CSGALNACT1: variants seen among roughly 807,000 people sequenced by gnomAD.
CSGALNACT1 encodes beta4GalNAcT-1.
In CSGALNACT1, 52 loss-of-function variants were observed where a neutral mutation model predicts 51.0. The observed-to-expected ratio is 1.02, with a 90% CI of 0.82 to 1.29. The LOEUF (loss-of-function observed/expected upper bound fraction) is 1.29, where lower values mean the gene tolerates loss of function less well. Among genes scored for constraint, CSGALNACT1 ranks in the 50% most tolerant of loss-of-function variants. The pLI is 0.00. For missense variants in CSGALNACT1, 935 were observed against 679.2 expected (o/e 1.38, Z -4.19); for synonymous variants, 341 against 254.4 (o/e 1.34, Z -3.24).
chr8:19,593,995 C>G (rs2048371186), intron 2 of CSGALNACT1, among the ~76,000 whole-genome samples: 1 of 152,126 alleles, frequency 6.6e-6, no homozygotes, highest in African/African-American at 2.4e-5. Flanking sequence ...CAGAACTCAG[C>G]TGGGGACATC....
chr8:19,614,367 C>G (rs1241888317), intron 1 of CSGALNACT1, among the ~76,000 whole-genome samples: 3 of 152,134 alleles, frequency 2.0e-5, no homozygotes, highest in African/African-American at 7.2e-5. Flanking sequence ...CGCCATTATA[C>G]CATCCTGCCT....
chr8:19,625,223 T>C (rs182231912), intron 1 of CSGALNACT1, among the ~76,000 whole-genome samples: 74 of 152,294 alleles, frequency 4.9e-4, no homozygotes, highest in African/African-American at 1.8e-3. Context: ...CATCACGCTG[T>C]TTCTTCCTCC....
At chr8:19,514,475 C>CTATA (rs33928915) in intron 3 of CSGALNACT1, among the ~76,000 whole-genome samples, 3,601 of 78,304 alleles carry the variant, frequency 0.046, 293 homozygotes, top group East Asian at 0.077. Flanking sequence ...TGAACAGAGA[C>CTATA]TATATATATA....
At chr8:19,605,163 G>A (rs1310933307), upstream of CSGALNACT1, among the ~76,000 whole-genome samples, 2 of 152,194 alleles carry the variant, frequency 1.3e-5, no homozygotes, top group African/African-American at 4.8e-5. Flanking sequence ...AGCGACTGCA[G>A]TTAGAATAGT....
intron 3 of CSGALNACT1, among the ~76,000 whole-genome samples, chr8:19,575,335 T>C (rs536969805): frequency 2.0e-5 from 3 of 152,346 alleles, no homozygotes; most frequent in Non-Finnish European, 2.9e-5. Context: ...ACTTAATTTT[T>C]TGGGTTATGA....
chr8:19,418,727 G>A, exon 8 of CSGALNACT1: 1 of 1,612,582 alleles, frequency 6.2e-7, no homozygotes, highest in Non-Finnish European at 8.5e-7. Context: ...TGACTGAAAA[G>A]AACTGGATAA....
intron 1 of CSGALNACT1, among the ~76,000 whole-genome samples, chr8:19,696,101 T>G (rs1716638426): frequency 6.6e-6 from 1 of 152,164 alleles, no homozygotes; most frequent in African/African-American, 2.4e-5. Context: ...ACAAATTGGA[T>G]AGGCAGGAAT....
At chr8:19,451,258 T>C (rs2063138588) in intron 5 of CSGALNACT1, among the ~76,000 whole-genome samples, 1 of 152,158 alleles carries the variant, frequency 6.6e-6, no homozygotes, top group Non-Finnish European at 1.5e-5. Context: ...CCCTTTCTCC[T>C]TGCCTGTTGG....
Position 19,509,819 on chromosome 8 carries a change from C to T in CSGALNACT1, c.-296-3689G>A, listed in dbSNP as rs560045490. Among the ~76,000 whole-genome samples, 36 of 152,132 alleles carry T rather than the reference C, an allele frequency of 2.4e-4. No homozygotes were observed. The South Asian group carries it at 4.6e-3, about 19-fold the overall frequency. On this transcript the variant is annotated intron_variant, in intron 3 of 9. Coordinates refer to ENST00000454498, the Ensembl canonical transcript of CSGALNACT1. ...TCACAGACTTGCAGATGGAAAGCAA[C>T]GTGTAATTACCAAGCACTACTAGAA...
chr8:19,604,769 GC>G (rs1296144564), upstream of CSGALNACT1, among the ~76,000 whole-genome samples: 1 of 147,144 alleles, frequency 6.8e-6, no homozygotes, highest in African/African-American at 2.6e-5. Context: ...AAAAAAATTA[GC>G]CGCGCACGAT....
chr8:19,461,520 C>CT (rs150491689), intron 4 of CSGALNACT1, among the ~76,000 whole-genome samples: 2 of 122,928 alleles, frequency 1.6e-5, no homozygotes, highest in Admixed American at 8.3e-5. Flanking sequence ...CCATGGGGGG[C>CT]GTATCCGCAC....
chr8:19,522,344 T>C (rs113702953), intron 3 of CSGALNACT1, among the ~76,000 whole-genome samples: 1,773 of 152,274 alleles, frequency 0.012, 35 homozygotes, highest in African/African-American at 0.04. Flanking sequence ...ATCTCTTGCC[T>C]CTAAATTTGC....
At chr8:19,465,330 C>T (rs546342477) in intron 4 of CSGALNACT1, among the ~76,000 whole-genome samples, 79 of 152,196 alleles carry the variant, frequency 5.2e-4, no homozygotes, top group Admixed American at 1.8e-3. Flanking sequence ...ATAGAGGTTG[C>T]CAGGGGCTGG....
intron 1 of CSGALNACT1, among the ~76,000 whole-genome samples, chr8:19,718,973 G>C (rs2062965051): frequency 6.6e-6 from 1 of 152,156 alleles, no homozygotes; most frequent in Non-Finnish European, 1.5e-5. Context: ...AAAGAGTTAA[G>C]CTTCCCTTAA....
intron 1 of CSGALNACT1, among the ~76,000 whole-genome samples, chr8:19,631,392 C>T (rs1044756726): frequency 3.9e-5 from 6 of 152,118 alleles, no homozygotes; most frequent in Admixed American, 1.3e-4. Context: ...TTCTAACAGG[C>T]GGGTCTCTTG....
At chr8:19,651,754 A>C (rs1385232449) in intron 1 of CSGALNACT1, among the ~76,000 whole-genome samples, 2 of 152,134 alleles carry the variant, frequency 1.3e-5, no homozygotes, top group Non-Finnish European at 2.9e-5. Context: ...TGGTAGAATG[A>C]TTTTTATTTC....
intron 1 of CSGALNACT1, among the ~76,000 whole-genome samples, chr8:19,691,565 G>A (rs2061323982): frequency 6.6e-6 from 1 of 152,196 alleles, no homozygotes; most frequent in Non-Finnish European, 1.5e-5. Context: ...GCAGCACCCA[G>A]TCCTGCAGCT....
chr8:19,576,988 A>G (rs1401829749), intron 3 of CSGALNACT1, among the ~76,000 whole-genome samples: 5 of 152,082 alleles, frequency 3.3e-5, no homozygotes, highest in Admixed American at 2.0e-4. Context: ...AAATTACATG[A>G]GCAACCCTCT....
At chr8:19,517,828 T>C (rs1207701231) in intron 3 of CSGALNACT1, among the ~76,000 whole-genome samples, 3 of 152,072 alleles carry the variant, frequency 2.0e-5, no homozygotes, top group African/African-American at 4.8e-5. Context: ...ATGTGGGAAT[T>C]ATAGGAGCTA....
Sources: gnomAD v4.1 joint callset for allele counts (sites outside exome capture counted in the v4.1 genomes callset) on GRCh38, gnomAD v4.1.1 for gene constraint, MANE v1.5 for transcripts, NCBI Gene and HGNC (gene_info 2026-07-23, HGNC 2026-07-21) for gene names.